The following WWOX variants were observed in gnomAD, a reference collection of about 807,000 sequenced individuals.
WWOX encodes the protein WW domain containing oxidoreductase.
In WWOX, 69 loss-of-function variants were observed where a neutral mutation model predicts 46.2. The ratio of observed to expected loss-of-function variants is 1.49; its 90% CI spans 1.23 to 1.82. WWOX has a LOEUF of 1.82. Among genes scored for constraint, WWOX ranks in the 40% most tolerant of loss-of-function variants. WWOX has a pLI of 0.00. For synonymous variants in WWOX, 359 were observed against 202.6 expected, an observed-to-expected ratio of 1.77 and a Z score of -6.56; for missense variants, 919 against 542.6, an observed-to-expected ratio of 1.69 and a Z score of -6.89.
chr16:78,217,973 C>G (rs1315540334), intron 5 of WWOX, among the ~76,000 whole-genome samples: 1 of 152,146 alleles, frequency 6.6e-6, no homozygotes, highest in Non-Finnish European at 1.5e-5. Context: ...GCCTCCTTTT[C>G]CACAAAAAGC....
chr16:79,087,417 T>A (rs547071919), intron 8 of WWOX, among the ~76,000 whole-genome samples: 2 of 152,302 alleles, frequency 1.3e-5, no homozygotes, highest in East Asian at 3.9e-4. Context: ...TGTTTGAGAG[T>A]CACATTGGGT....
chr16:78,384,725 T>A (rs1446747205), intron 5 of WWOX, among the ~76,000 whole-genome samples: 1 of 152,222 alleles, frequency 6.6e-6, no homozygotes, highest in African/African-American at 2.4e-5. Context: ...CTTTGGCATC[T>A]GCCACTGTTA....
chr16:78,329,623 C>G (rs80003571), intron 5 of WWOX, among the ~76,000 whole-genome samples: 29 of 152,284 alleles, frequency 1.9e-4, no homozygotes, highest in African/African-American at 6.7e-4. Flanking sequence ...ATAGCAGTTT[C>G]CTGCACACGC....
At chr16:78,753,825 A>AAAAAAAAAT (rs2049556906) in intron 8 of WWOX, among the ~76,000 whole-genome samples, 1 of 21,352 alleles carries the variant, frequency 4.7e-5, no homozygotes, top group African/African-American at 9.8e-5. Flanking sequence ...AAAAAAAAAA[A>AAAAAAAAAT]ATATATATAT....
At chr16:78,216,413 C>T (rs906064136) in intron 5 of WWOX, among the ~76,000 whole-genome samples, 2 of 152,166 alleles carry the variant, frequency 1.3e-5, no homozygotes, top group Admixed American at 6.5e-5. Flanking sequence ...AGCACCTAAA[C>T]AACACAAATG....
intron 8 of WWOX, among the ~76,000 whole-genome samples, chr16:79,005,755 C>A (rs1039944217): frequency 1.2e-4 from 18 of 152,190 alleles, no homozygotes; most frequent in Non-Finnish European, 1.8e-4. Context: ...TGCAAAGACC[C>A]TATTTCCAAA....
At chr16:78,965,033 A>G (rs901285886) in intron 8 of WWOX, among the ~76,000 whole-genome samples, 14 of 152,212 alleles carry the variant, frequency 9.2e-5, no homozygotes, top group Non-Finnish European at 1.8e-4. Context: ...TGGATGCCCC[A>G]GCAAAAGTTT....
At chr16:78,108,127 C>T (rs1207623284) in intron 1 of WWOX, among the ~76,000 whole-genome samples, 1 of 151,452 alleles carries the variant, frequency 6.6e-6, no homozygotes, top group Admixed American at 6.6e-5. Context: ...AGGGTTTCAC[C>T]ATGTTGGCCA....
At chr16:78,963,517 C>T (rs956925100) in intron 8 of WWOX, among the ~76,000 whole-genome samples, 1 of 152,192 alleles carries the variant, frequency 6.6e-6, no homozygotes, top group South Asian at 2.1e-4. Flanking sequence ...TTGCAGACAG[C>T]AGTCGCTTCA....
intron 8 of WWOX, among the ~76,000 whole-genome samples, chr16:78,732,767 C>T (rs1206102717): frequency 2.6e-5 from 4 of 152,204 alleles, no homozygotes; most frequent in Middle Eastern, 6.8e-3. Context: ...TTGCATACTC[C>T]TATCTGGACT....
chr16:78,805,437 T>TC (rs2051007046), intron 8 of WWOX, among the ~76,000 whole-genome samples: 1 of 151,390 alleles, frequency 6.6e-6, no homozygotes, highest in East Asian at 1.9e-4. Context: ...ATTTTTTTTT[T>TC]TGTATTGTTT....
At chr16:78,904,445 G>C (rs570999088) in intron 8 of WWOX, among the ~76,000 whole-genome samples, 9 of 151,980 alleles carry the variant, frequency 5.9e-5, no homozygotes, top group African/African-American at 2.2e-4. Flanking sequence ...CAGCATGTTG[G>C]CCAGGATGGT....
At chr16:78,537,064 G>C (rs1320052137) in intron 8 of WWOX, among the ~76,000 whole-genome samples, 1 of 152,064 alleles carries the variant, frequency 6.6e-6, no homozygotes, top group Non-Finnish European at 1.5e-5. Flanking sequence ...CTACAGGCAT[G>C]TACCACCACA....
intron 5 of WWOX, among the ~76,000 whole-genome samples, chr16:78,286,725 C>T (rs1016756682): frequency 1.3e-5 from 2 of 152,044 alleles, no homozygotes; most frequent in African/African-American, 4.8e-5. Flanking sequence ...TACAATGAAT[C>T]CACAAACAGC....
intron 8 of WWOX, among the ~76,000 whole-genome samples, chr16:78,766,683 G>A (rs986556033): frequency 2.4e-4 from 36 of 152,200 alleles, no homozygotes; most frequent in African/African-American, 6.8e-4. Flanking sequence ...AAGTTTGTTA[G>A]ACTTGTTTGA....
chr16:78,824,987 C>T (rs377356957), intron 8 of WWOX, among the ~76,000 whole-genome samples: 8 of 152,134 alleles, frequency 5.3e-5, no homozygotes, highest in Non-Finnish European at 1.2e-4. Context: ...AAAATGGCAG[C>T]GTTATAGCCA....
intron 4 of WWOX, among the ~76,000 whole-genome samples, chr16:78,152,611 A>G (rs966144663): frequency 6.6e-6 from 1 of 152,204 alleles, no homozygotes; most frequent in Non-Finnish European, 1.5e-5. Context: ...GTGCCTGTCT[A>G]GGACCATGTT....
intron 5 of WWOX, among the ~76,000 whole-genome samples, chr16:78,369,309 C>G (rs1036161703): frequency 2.0e-5 from 3 of 151,804 alleles, no homozygotes; most frequent in African/African-American, 2.4e-5. Context: ...ATTTCATACT[C>G]AGGGGTATCT....
intron 8 of WWOX, among the ~76,000 whole-genome samples, chr16:78,772,049 C>G (rs913488899): frequency 2.0e-5 from 3 of 151,918 alleles, no homozygotes; most frequent in African/African-American, 7.3e-5. Flanking sequence ...CTTTTTTTAA[C>G]TTTTATTTTG....
Sources: gnomAD v4.1 joint callset for allele counts (sites outside exome capture counted in the v4.1 genomes callset) on GRCh38, gnomAD v4.1.1 for gene constraint, MANE v1.5 for transcripts, NCBI Gene and HGNC (gene_info 2026-07-23, HGNC 2026-07-21) for gene names.